The following OIT3 variants were observed in gnomAD, a reference collection of about 807,000 sequenced individuals.
OIT3 encodes oncoprotein-induced transcript 3 protein.
A neutral mutation model predicts 52.2 loss-of-function variants in OIT3; 41 were observed. The ratio of observed to expected loss-of-function variants is 0.79; its 90% CI spans 0.61 to 1.02. The LOEUF (loss-of-function observed/expected upper bound fraction) is 1.02, where lower values mean the gene tolerates loss of function less well. Ranked by LOEUF, OIT3 falls within the 50% of genes least tolerant of loss-of-function variation. The pLI is 0.00. For synonymous variants in OIT3, 244 were observed against 276.9 expected (o/e 0.88, Z 1.18); for missense variants, 634 against 715.5 (o/e 0.89, Z 1.30).
chr10:72,898,549 A>G, intron 1 of OIT3, 115 bp from the exon 2 acceptor site: 1 of 1,003,430 alleles, frequency 1.0e-6, no homozygotes, highest in Non-Finnish European at 1.5e-6. Context: ...ACCTTAACTA[A>G]TTTCTCTCTG....
At chr10:72,929,358 C>T (rs1463254260) in intron 7 of OIT3, among the ~76,000 whole-genome samples, 1 of 146,208 alleles carries the variant, frequency 6.8e-6, no homozygotes, top group African/African-American at 2.6e-5. Context: ...CAACTATGTC[C>T]AGAAAAAAAA....
At chr10:72,909,203 TCCACCTGCCTGGGC>T (rs1384016479) in intron 4 of OIT3, among the ~76,000 whole-genome samples, 1 of 151,318 alleles carries the variant, frequency 6.6e-6, no homozygotes, top group East Asian at 1.9e-4. Context: ...CACTGTAGCT[TCCACCTGCCTGGGC>T]TAAGGTGATC....
intron 2 of OIT3, among the ~76,000 whole-genome samples, chr10:72,899,297 T>A (rs1845905611): frequency 6.6e-6 from 1 of 152,076 alleles, no homozygotes; most frequent in African/African-American, 2.4e-5. Flanking sequence ...AAACAAAACA[T>A]TAGAAAATGA....
chr10:72,925,906 C>T (rs1490875083), intron 7 of OIT3, among the ~76,000 whole-genome samples: 1 of 152,172 alleles, frequency 6.6e-6, no homozygotes, highest in African/African-American at 2.4e-5. Context: ...CATGTTTGGC[C>T]CCTGCACTTG....
chr10:72,908,521 TGA>T (rs1404643399), intron 4 of OIT3, among the ~76,000 whole-genome samples: 5 of 152,202 alleles, frequency 3.3e-5, no homozygotes, highest in Non-Finnish European at 5.9e-5. Context: ...CATTATTAAC[TGA>T]GAGACCATTA....
chr10:72,913,894 A>C (rs1356880088), intron 6 of OIT3, among the ~76,000 whole-genome samples: 1 of 152,260 alleles, frequency 6.6e-6, no homozygotes, highest in Non-Finnish European at 1.5e-5. Flanking sequence ...AAAAATCTGC[A>C]CACAGCCCTG....
intron 5 of OIT3, among the ~76,000 whole-genome samples, chr10:72,912,536 G>A (rs1846038628): frequency 6.6e-6 from 1 of 152,098 alleles, no homozygotes; most frequent in Non-Finnish European, 1.5e-5. Flanking sequence ...TTCCCAAAGT[G>A]TTGGGATTAC....
intron 1 of OIT3, among the ~76,000 whole-genome samples, chr10:72,894,088 C>G (rs1418193364): frequency 6.6e-6 from 1 of 152,064 alleles, no homozygotes; most frequent in African/African-American, 2.4e-5. Flanking sequence ...CCATATCCCA[C>G]AGCTTTCACT....
chr10:72,920,522 C>T (rs1024649535), intron 6 of OIT3, among the ~76,000 whole-genome samples: 8 of 151,928 alleles, frequency 5.3e-5, no homozygotes, highest in Middle Eastern at 3.2e-3. Flanking sequence ...GTTGTGATGT[C>T]GGGTTGTTAA....
chr10:72,894,054 G>T (rs1234053168), intron 1 of OIT3, among the ~76,000 whole-genome samples, 195 bp downstream of exon 1: 2 of 152,016 alleles, frequency 1.3e-5, no homozygotes, highest in Non-Finnish European at 2.9e-5. Context: ...CTCTTGCCTG[G>T]ACTCCAAAAT....
At chr10:72,912,871 CTGT>C (rs922616009) in intron 5 of OIT3, among the ~76,000 whole-genome samples, 4 of 152,162 alleles carry the variant, frequency 2.6e-5, no homozygotes, top group Non-Finnish European at 5.9e-5. Flanking sequence ...TGCACTAACA[CTGT>C]TTTTATTGTC....
chr10:72,909,639 C>T (rs1194354811), intron 4 of OIT3, among the ~76,000 whole-genome samples: 1 of 151,728 alleles, frequency 6.6e-6, no homozygotes, highest in African/African-American at 2.4e-5. Flanking sequence ...ACTTTGTCAC[C>T]CAAGCTACAG....
At chr10:72,929,666 C>T (rs189351788) in intron 7 of OIT3, among the ~76,000 whole-genome samples, 3 of 152,050 alleles carry the variant, frequency 2.0e-5, no homozygotes, top group South Asian at 4.2e-4. Flanking sequence ...CTCAACCTGC[C>T]GAGTAGCTGG....
chr10:72,910,440 G>A (rs191183660), intron 4 of OIT3, among the ~76,000 whole-genome samples: 46 of 152,176 alleles, frequency 3.0e-4, no homozygotes, highest in African/African-American at 1.1e-3. Flanking sequence ...TAGATCACAA[G>A]GTCAGGAGAT....
At chr10:72,909,168 A>AGAGT (rs1325585171) in intron 4 of OIT3, among the ~76,000 whole-genome samples, 3 of 143,524 alleles carry the variant, frequency 2.1e-5, no homozygotes, top group Non-Finnish European at 4.5e-5. Context: ...CACCCAGGCT[A>AGAGT]GAGTACAGTG....
Position 72,924,288 on chromosome 10 carries a change from G to A in OIT3, c.1011G>A (p.Pro337=), listed in dbSNP as rs545811191. The A allele has an allele frequency of 2.4e-5, 38 of 1,613,710 alleles. No individual in the cohort carries two copies. The highest frequency in any genetic ancestry group is 1.7e-4 in the Middle Eastern group (1 of 6,058). Residue 337 remains proline, a synonymous_variant, in exon 7 of 9, where the codon CCG becomes CCA. Coordinates refer to ENST00000334011, the MANE Select transcript of OIT3 (RefSeq NM_152635.3). ...NLVTGLPKQT[P]GSSGDFIIRT... is the part of the protein sequence containing the mutation. ...TGACAGGTCTACCCAAGCAGACCCC[G>A]GGGAGCAGCGGGGACTTCATCATCC...
At chr10:72,912,785 G>T (rs1463190206) in intron 5 of OIT3, among the ~76,000 whole-genome samples, 3 of 152,232 alleles carry the variant, frequency 2.0e-5, no homozygotes, top group Admixed American at 2.0e-4. Flanking sequence ...TTATATTAAG[G>T]TAAAGTGGTG....
chr10:72,915,431 G>T (rs907503770), intron 6 of OIT3, among the ~76,000 whole-genome samples: 1 of 152,140 alleles, frequency 6.6e-6, no homozygotes, highest in African/African-American at 2.4e-5. Flanking sequence ...GCTCCTAGGG[G>T]AAACACTGGG....
rs1404543495 is a variant in OIT3 at position 72,903,955 on chromosome 10, AAAG to A, written c.545-2634_545-2632del. On this transcript the variant is annotated intron_variant, in intron 3 of 8. Transcript: ENST00000334011. ...TTATGCCTAATTTCTGCCTCCAAAA[AAAG>A]AAGAAGTAAGAACTAAAAGACAGAA... Among the ~76,000 whole-genome samples the A allele has an allele frequency of 5.9e-5, 9 of 152,344 alleles. No homozygotes were observed. In the South Asian group the frequency reaches 6.2e-4, roughly 11 times the overall value.
Sources: allele counts gnomAD v4.1 joint callset (sites outside exome capture counted in the v4.1 genomes callset), GRCh38; gene constraint gnomAD v4.1.1; transcripts MANE v1.5; gene names NCBI Gene and HGNC (gene_info 2026-07-23, HGNC 2026-07-21).